NMRK2: variants seen among roughly 807,000 people sequenced by gnomAD.
NMRK2 encodes the protein nicotinamide riboside kinase 2, also known as NRK 2.
NMRK2 carries 34 observed loss-of-function variants against 24.7 expected under a neutral mutation model. The ratio of observed to expected loss-of-function variants is 1.37; its 90% CI spans 1.05 to 1.83. NMRK2 has a LOEUF of 1.83. Among genes scored for constraint, NMRK2 ranks in the 40% most tolerant of loss-of-function variants. The probability of loss-of-function intolerance (pLI) is 0.00; values close to 1 mark genes in which losing one functional copy is unlikely to be tolerated. For synonymous variants in NMRK2, 145 were observed against 125.6 expected (o/e 1.15, Z -1.03); for missense variants, 341 against 315.0 (o/e 1.08, Z -0.62).
At chr19:3,938,836 T>TGTG in intron 5 of NMRK2, 77 bp downstream of exon 5, 1 of 573,206 alleles carries the variant, frequency 1.7e-6, no homozygotes, top group Non-Finnish European at 2.2e-6. Flanking sequence ...TTTTTTTTTT[T>TGTG]TTTTTTTGTT....
intron 6 of NMRK2, among the ~76,000 whole-genome samples, chr19:3,940,603 C>T (rs1175070926): frequency 1.3e-5 from 2 of 151,858 alleles, no homozygotes; most frequent in African/African-American, 2.4e-5. Context: ...GGCATGGTGG[C>T]GGGCTCCTGT....
chr19:3,936,826 G>A (rs566849030), intron 3 of NMRK2, among the ~76,000 whole-genome samples, 161 bp downstream of exon 3: 2 of 152,294 alleles, frequency 1.3e-5, no homozygotes, highest in Admixed American at 6.5e-5. Context: ...AACTGGGCCA[G>A]GAAAGTGAGG....
At chr19:3,936,736 C>T (rs372962547) in intron 3 of NMRK2, 71 bp downstream of exon 3, 10 of 1,297,400 alleles carry the variant, frequency 7.7e-6, no homozygotes, top group African/African-American at 4.4e-5. Flanking sequence ...CGGCCAGCCC[C>T]GCCCTCCACT....
At chr19:3,938,827 TTTTTTTTTTTTTTTTTGTTTTG>T (rs2039269441) in intron 5 of NMRK2, 68 bp downstream of exon 5, 4 of 541,134 alleles carry the variant, frequency 7.4e-6, no homozygotes, top group African/African-American at 9.1e-5. Flanking sequence ...CTCTTGTTTT[TTTTTTTTTTTTTTTTTGTTTTG>T]TTTTTTTTTT....
chr19:3,941,043 A>T (rs1334441060), intron 6 of NMRK2, 28 bp from the exon 7 acceptor site: 1 of 1,465,698 alleles, frequency 6.8e-7, no homozygotes, highest in Non-Finnish European at 9.6e-7. Context: ...TCTGTGCTCT[A>T]AGCCATCCTT....
At chr19:3,937,366 T>A (rs1415221203) in intron 4 of NMRK2, 78 bp downstream of exon 4, 1 of 692,636 alleles carries the variant, frequency 1.4e-6, no homozygotes, top group Non-Finnish European at 2.5e-6. Context: ...CCCTCCACTA[T>A]TCCCCCGGGG....
rs199941317 is a variant in NMRK2 at position 3,941,120 on chromosome 19, G to T, written c.445G>T (p.Val149Leu). Reference protein sequence around the residue: ...PDPPGLFDGHVWPMYQKYRQE... With the variant: ...PDPPGLFDGHLWPMYQKYRQE... ...TCCCCCCGGCCTCTTCGATGGCCAC[G>T]TGTGGCCCATGTACCAGAAGTATAG... Residue 149 changes from valine (V) to leucine (L), a missense_variant, in exon 7 of 8, where the codon GTG (valine) becomes TTG (leucine). Transcript: ENST00000168977. 1 of 1,612,720 alleles carries T rather than the reference G, an allele frequency of 6.2e-7. No homozygotes were observed. Among genetic ancestry groups the T allele is most frequent in the East Asian group, 2.2e-5 (1 of 44,798 alleles).
intron 4 of NMRK2, among the ~76,000 whole-genome samples, chr19:3,938,027 C>T: frequency 1.4e-5 from 2 of 139,112 alleles, no homozygotes. Flanking sequence ...GGTCTGCCCT[C>T]CTGCAATACC....
intron 5 of NMRK2, among the ~76,000 whole-genome samples, chr19:3,939,150 A>G (rs1277920149): frequency 6.8e-6 from 1 of 147,578 alleles, no homozygotes; most frequent in East Asian, 2.2e-4. Flanking sequence ...CGCCTGGCTC[A>G]CATCTCCATT....
intron 2 of NMRK2, 43 bp downstream of exon 2, chr19:3,933,740 C>T: frequency 7.2e-7 from 1 of 1,383,002 alleles, no homozygotes; most frequent in Non-Finnish European, 9.4e-7. Context: ...CGGGGCAAAG[C>T]CCCCTGTGCG....
Position 3,938,844 on chromosome 19 carries a change from GTTTTGTT to G in NMRK2, c.323+90_323+96del, listed in dbSNP as rs2039273439. On this transcript the variant is annotated intron_variant, in intron 5 of 7. Coordinates refer to ENST00000168977, the MANE Select transcript of NMRK2 (RefSeq NM_170678.3). ...CTTGTTTTTTTTTTTTTTTTTTTTT[GTTTTGTT>G]TTTTTTTTTTTTTGAGACAAGAGTT... 254 of 174,342 alleles carry G rather than the reference GTTTTGTT, an allele frequency of 1.5e-3. 2 individuals carry two copies. Among genetic ancestry groups the G allele is most frequent in the South Asian group, 5.7e-3 (36 of 6,278 alleles). 10.8% of individuals were successfully genotyped at this position (174,342 alleles called of 1,614,324 possible). A position where few individuals can be genotyped will look rare whatever the true frequency, so the allele number is the denominator to read the frequency against.
At chr19:3,933,818 G>A in intron 2 of NMRK2, 121 bp downstream of exon 2, 4 of 1,012,120 alleles carry the variant, frequency 4.0e-6, no homozygotes, top group Non-Finnish European at 5.3e-6. Context: ...CACGCCGCCC[G>A]AGGTCAGAGT....
chr19:3,942,251 C>T lies in NMRK2; in HGVS notation c.671C>T (p.Ala224Val), dbSNP rs149893927. 132 of 1,610,796 alleles carry T rather than the reference C, an allele frequency of 8.2e-5. 1 individual carries two copies. The Middle Eastern group carries it at 1.0e-3, about 12-fold the overall frequency. The change falls in exon 8 of 8, where the codon GCG (alanine) becomes GTG (valine). Residue 224 changes from alanine to valine, a missense_variant. Ala to Val is a moderately conservative substitution (Grantham distance 64). Transcript: ENST00000168977. ...GGCCACAGAACGGCCAGGCCTGCAG[C>T]GTCCCAGCAGGACAGCATGTGAGCG... is the stretch of plus-strand genomic sequence containing the variant. Reference protein sequence around the residue: ...GCGHRTARPAASQQDSM With the variant: ...GCGHRTARPAVSQQDSM
chr19:3,941,964 A>G (rs958808142), intron 7 of NMRK2, 119 bp from the exon 8 acceptor site: 1 of 777,804 alleles, frequency 1.3e-6, no homozygotes, highest in Non-Finnish European at 2.1e-6. Flanking sequence ...GGTCCAGGAA[A>G]CTGACTCCAG....
Position 3,941,140 on chromosome 19 carries a change from G to A in NMRK2, c.465G>A (p.Lys155=), listed in dbSNP as rs2039324798. 1 of 1,390,608 alleles carries A rather than the reference G, an allele frequency of 7.2e-7. No individual in the cohort carries two copies. Among genetic ancestry groups the A allele is most frequent in the Non-Finnish European group, 9.6e-7 (1 of 1,039,644 alleles). 86.1% of individuals were successfully genotyped at this position (1,390,608 alleles called of 1,614,324 possible). Residue 155 remains lysine, a synonymous_variant, in exon 7 of 8, where the codon AAG becomes AAA. Transcript: ENST00000168977. ...FDGHVWPMYQ[K]YRQEMEANGV... is the part of the protein sequence containing the mutation. ...GCCACGTGTGGCCCATGTACCAGAA[G>A]TATAGGCAGGAGATGGAGGCCAACG...
chr19:3,941,036 G>C (rs758153609), intron 6 of NMRK2, 35 bp from the exon 7 acceptor site: 3 of 1,393,870 alleles, frequency 2.2e-6, no homozygotes, highest in African/African-American at 1.4e-5. Flanking sequence ...TCACCCTTCT[G>C]TGCTCTAAGC....
rs1599163210 is a variant in NMRK2 at position 3,938,839 on chromosome 19, TTTTTG to T, written c.323+90_323+94del. 4.6e-3 allele frequency: 2,180 copies of T among 472,784 alleles called. 7 individuals are homozygous for T. Among genetic ancestry groups the T allele is most frequent in the Non-Finnish European group, 5.5e-3 (1,912 of 347,196 alleles). 29.3% of individuals were successfully genotyped at this position (472,784 alleles called of 1,614,324 possible). ...CATCTCTTGTTTTTTTTTTTTTTTT[TTTTTG>T]TTTTGTTTTTTTTTTTTTTTGAGAC... On this transcript the variant is annotated intron_variant, in intron 5 of 7. Coordinates refer to ENST00000168977, the MANE Select transcript of NMRK2 (RefSeq NM_170678.3).
chr19:3,934,452 G>A (rs1376190719), intron 2 of NMRK2, among the ~76,000 whole-genome samples: 1 of 152,094 alleles, frequency 6.6e-6, no homozygotes, highest in African/African-American at 2.4e-5. Flanking sequence ...TAACCAGCAC[G>A]GCTGGCTTTG....
intron 2 of NMRK2, among the ~76,000 whole-genome samples, chr19:3,934,551 GGGGTTTTTTTTTTT>G (rs1226404366): frequency 1.4e-5 from 1 of 70,098 alleles, no homozygotes; most frequent in Admixed American, 2.1e-4. Context: ...TTTGTTTTTT[GGGGTTTTTTTTTTT>G]GGGGGGGGGG....
Sources: allele counts gnomAD v4.1 joint callset (sites outside exome capture counted in the v4.1 genomes callset), GRCh38; gene constraint gnomAD v4.1.1; transcripts MANE v1.5; gene names NCBI Gene and HGNC (gene_info 2026-07-23, HGNC 2026-07-21).